The following FBXL7 variants were observed in gnomAD, a reference collection of about 807,000 sequenced individuals.
FBXL7 encodes the protein F-box and leucine rich repeat protein 7.
In FBXL7, 12 loss-of-function variants were observed where a neutral mutation model predicts 38.3. That is an observed-to-expected ratio of 0.31 (90% CI 0.20 to 0.51). The LOEUF is 0.51. Among genes scored for constraint, FBXL7 ranks in the 20% least tolerant of loss-of-function variants. FBXL7 has a pLI of 0.98. For synonymous variants in FBXL7, 297 were observed against 300.9 expected, an observed-to-expected ratio of 0.99 and a Z score of 0.13; for missense variants, 567 against 676.4, an observed-to-expected ratio of 0.84 and a Z score of 1.79.
rs1175014900 is a variant in FBXL7 at position 15,765,644 on chromosome 5, T to C, written c.127+149572T>C. 3.3e-5 allele frequency among the ~76,000 whole-genome samples: 5 copies of C among 152,186 alleles called. No individual in the cohort carries two copies. The East Asian group carries it at 9.7e-4, about 29-fold the overall frequency. ...TTTCTCTTTCATGTGCGGGGAATGA[T>C]AAAATAGAGAGCTGAGCTCTAGGGT... On this transcript the variant is annotated intron_variant, in intron 2 of 3. Coordinates refer to ENST00000504595, the MANE Select transcript of FBXL7 (RefSeq NM_012304.5).
At chr5:15,776,168 A>G (rs1184160604) in intron 2 of FBXL7, among the ~76,000 whole-genome samples, 1 of 152,140 alleles carries the variant, frequency 6.6e-6, no homozygotes, top group Non-Finnish European at 1.5e-5. Flanking sequence ...TAACAGAAAG[A>G]AATCAGGGTA....
chr5:15,750,164 T>C (rs1255767062), intron 2 of FBXL7, among the ~76,000 whole-genome samples: 2 of 152,232 alleles, frequency 1.3e-5, no homozygotes, highest in Admixed American at 6.5e-5. Flanking sequence ...AAAGATCCCT[T>C]CCCTCAAAGA....
At chr5:15,795,730 GA>G (rs1312199962) in intron 2 of FBXL7, among the ~76,000 whole-genome samples, 1 of 152,224 alleles carries the variant, frequency 6.6e-6, no homozygotes, top group East Asian at 1.9e-4. Context: ...GGGGAGGTGG[GA>G]CAAAATAGGG....
At chr5:15,507,952 A>C (rs1163704538) in intron 1 of FBXL7, among the ~76,000 whole-genome samples, 1 of 152,100 alleles carries the variant, frequency 6.6e-6, no homozygotes, top group Non-Finnish European at 1.5e-5. Flanking sequence ...CAGAGGCAGG[A>C]GAATCACTTG....
At chr5:15,880,550 G>A (rs1056257202) in intron 2 of FBXL7, among the ~76,000 whole-genome samples, 5 of 152,018 alleles carry the variant, frequency 3.3e-5, no homozygotes, top group African/African-American at 1.2e-4. Flanking sequence ...AGCTGTTTAA[G>A]CTTAGGTTTT....
intron 2 of FBXL7, among the ~76,000 whole-genome samples, chr5:15,834,990 C>G (rs1467506766): frequency 6.6e-6 from 1 of 152,176 alleles, no homozygotes. Flanking sequence ...GTAGGAAATC[C>G]TTCCAAGTAA....
At chr5:15,623,853 A>T (rs1023695356) in intron 2 of FBXL7, among the ~76,000 whole-genome samples, 11 of 152,142 alleles carry the variant, frequency 7.2e-5, no homozygotes, top group African/African-American at 2.7e-4. Flanking sequence ...AAATGTTTTC[A>T]TTTTGCAGAT....
chr5:15,895,183 A>G (rs1224746254), intron 2 of FBXL7, among the ~76,000 whole-genome samples: 1 of 152,216 alleles, frequency 6.6e-6, no homozygotes, highest in East Asian at 1.9e-4. Context: ...TCAATTACCT[A>G]CCTATGTTTG....
At chr5:15,564,378 CTGTGTGTGTG>C (rs33993480) in intron 1 of FBXL7, among the ~76,000 whole-genome samples, 261 of 147,372 alleles carry the variant, frequency 1.8e-3, no homozygotes, top group Non-Finnish European at 2.4e-3. Context: ...TCAGTAATAT[CTGTGTGTGTG>C]TGTGTGTGTG....
chr5:15,609,536 G>A (rs1740152042), intron 1 of FBXL7, among the ~76,000 whole-genome samples: 1 of 152,158 alleles, frequency 6.6e-6, no homozygotes, highest in African/African-American at 2.4e-5. Context: ...GTTTCCTAAT[G>A]CCAAGTTCTG....
chr5:15,677,853 T>C lies in FBXL7; in HGVS notation c.127+61781T>C, dbSNP rs138946456. 3.3e-5 allele frequency among the ~76,000 whole-genome samples: 5 copies of C among 152,268 alleles called. No homozygotes were observed. In the East Asian group the frequency reaches 9.7e-4, roughly 30 times the overall value. On this transcript the variant is annotated intron_variant, in intron 2 of 3. Coordinates refer to ENST00000504595, the MANE Select transcript of FBXL7 (RefSeq NM_012304.5). ...GGTAAATTGTGAATTTCTGGTCTTTTTAAGGTCTGATTATTACCCTAACCC... is the reference window on the plus strand; with the variant it reads ...GGTAAATTGTGAATTTCTGGTCTTTCTAAGGTCTGATTATTACCCTAACCC...
At chr5:15,629,203 A>C (rs995511293) in intron 2 of FBXL7, among the ~76,000 whole-genome samples, 2 of 152,054 alleles carry the variant, frequency 1.3e-5, no homozygotes, top group Non-Finnish European at 2.9e-5. Context: ...TGAGCTCAGG[A>C]GTTTGAGGCT....
At chr5:15,805,208 T>C (rs1000441231) in intron 2 of FBXL7, among the ~76,000 whole-genome samples, 1 of 152,304 alleles carries the variant, frequency 6.6e-6, no homozygotes, top group East Asian at 1.9e-4. Flanking sequence ...CATTCTGAGG[T>C]ACTGGAAGTT....
intron 2 of FBXL7, among the ~76,000 whole-genome samples, chr5:15,778,029 A>G (rs140102023): frequency 2.0e-3 from 311 of 152,224 alleles, no homozygotes; most frequent in African/African-American, 6.8e-3. Flanking sequence ...TTGGTTACCT[A>G]TATTCAAAAT....
intron 2 of FBXL7, among the ~76,000 whole-genome samples, chr5:15,689,110 G>A (rs1743102047): frequency 1.3e-5 from 2 of 152,130 alleles, no homozygotes; most frequent in South Asian, 4.1e-4. Context: ...AACTCCAACG[G>A]TGCACGTCAT....
At chr5:15,847,487 A>G (rs1738944847) in intron 2 of FBXL7, among the ~76,000 whole-genome samples, 1 of 152,072 alleles carries the variant, frequency 6.6e-6, no homozygotes, top group South Asian at 2.1e-4. Context: ...TCAAGATGAG[A>G]TTTGGGTGGG....
intron 1 of FBXL7, chr5:15,580,655 A>G (rs1739108819): frequency 1.0e-6 from 1 of 985,434 alleles, no homozygotes; most frequent in Non-Finnish European, 1.2e-6. Flanking sequence ...GAAAATATCA[A>G]AGGCAACATG....
chr5:15,759,989 A>G (rs1471821355), intron 2 of FBXL7, among the ~76,000 whole-genome samples: 2 of 152,222 alleles, frequency 1.3e-5, no homozygotes, highest in African/African-American at 4.8e-5. Flanking sequence ...GAATGAACCA[A>G]TGACTGCCAT....
intron 2 of FBXL7, among the ~76,000 whole-genome samples, chr5:15,619,182 C>G (rs1434521660): frequency 2.0e-5 from 3 of 152,088 alleles, no homozygotes; most frequent in Non-Finnish European, 4.4e-5. Context: ...CCTTTTTCCC[C>G]GGTGGCATGG....
Sources: gnomAD v4.1 joint callset for allele counts (sites outside exome capture counted in the v4.1 genomes callset) on GRCh38, gnomAD v4.1.1 for gene constraint, MANE v1.5 for transcripts, NCBI Gene and HGNC (gene_info 2026-07-23, HGNC 2026-07-21) for gene names.